RTN1: variants seen among roughly 807,000 people sequenced by gnomAD.
RTN1 encodes reticulon-1.
A neutral mutation model predicts 65.5 loss-of-function variants in RTN1; 25 were observed. That is an observed-to-expected ratio of 0.38 (90% confidence interval 0.28 to 0.53). The LOEUF is 0.53. RTN1 is among the 20% of genes least tolerant of loss of function. RTN1 has a pLI of 0.79. For synonymous variants in RTN1, 471 were observed against 447.6 expected, an observed-to-expected ratio of 1.05 and a Z score of -0.66; for missense variants, 983 against 1,025.4, an observed-to-expected ratio of 0.96 and a Z score of 0.57.
At chr14:59,850,701 G>A (rs1334565291) in intron 1 of RTN1, among the ~76,000 whole-genome samples, 1 of 152,126 alleles carries the variant, frequency 6.6e-6, no homozygotes. Flanking sequence ...GAGGTTAGTG[G>A]TTATTATGCA....
intron 1 of RTN1, among the ~76,000 whole-genome samples, chr14:59,754,841 G>A (rs1015595321): frequency 2.0e-5 from 3 of 152,066 alleles, no homozygotes; most frequent in Non-Finnish European, 2.9e-5. Flanking sequence ...GCTCTCTGGG[G>A]TCCACCTTAG....
chr14:59,837,322 A>G (rs938599769), intron 1 of RTN1, among the ~76,000 whole-genome samples: 2 of 152,008 alleles, frequency 1.3e-5, no homozygotes, highest in Non-Finnish European at 2.9e-5. Context: ...TGATTAAATG[A>G]TAAAATGTAA....
intron 1 of RTN1, among the ~76,000 whole-genome samples, chr14:59,805,030 T>C (rs1886612153): frequency 2.0e-5 from 3 of 152,166 alleles, no homozygotes; most frequent in Admixed American, 1.3e-4. Context: ...TGGGGTGATA[T>C]TCAAACACAC....
At chr14:59,686,428 A>C (rs1404259392) in intron 3 of RTN1, among the ~76,000 whole-genome samples, 1 of 152,274 alleles carries the variant, frequency 6.6e-6, no homozygotes, top group Non-Finnish European at 1.5e-5. Flanking sequence ...ACCTCTGATA[A>C]GGAGTTACTA....
intron 3 of RTN1, among the ~76,000 whole-genome samples, chr14:59,664,337 G>A (rs1458750845): frequency 1.3e-5 from 2 of 152,128 alleles, no homozygotes; most frequent in African/African-American, 2.4e-5. Context: ...GGAAAGGGAA[G>A]TGATAGCATT....
chr14:59,746,725 A>G (rs931811780), intron 1 of RTN1, among the ~76,000 whole-genome samples: 29 of 152,186 alleles, frequency 1.9e-4, no homozygotes, highest in African/African-American at 6.5e-4. Flanking sequence ...CCAGGACCAG[A>G]TAAGTTGGGG....
chr14:59,649,117 A>G (rs754832510), intron 3 of RTN1, among the ~76,000 whole-genome samples: 1 of 152,216 alleles, frequency 6.6e-6, no homozygotes, highest in Non-Finnish European at 1.5e-5. Flanking sequence ...ATTTACAACC[A>G]TCTGATCTTT....
At chr14:59,688,380 TGGC>T (rs1883891203) in intron 3 of RTN1, among the ~76,000 whole-genome samples, 1 of 152,196 alleles carries the variant, frequency 6.6e-6, no homozygotes, top group African/African-American at 2.4e-5. Flanking sequence ...GGGTACGTGG[TGGC>T]TGCCCACTGG....
intron 3 of RTN1, among the ~76,000 whole-genome samples, chr14:59,692,207 G>C (rs937124535): frequency 2.0e-5 from 3 of 152,106 alleles, no homozygotes; most frequent in Admixed American, 6.6e-5. Context: ...AAAGACTTCT[G>C]GAACTGATAA....
At chr14:59,699,643 C>T (rs1421342184) in intron 3 of RTN1, among the ~76,000 whole-genome samples, 1 of 152,100 alleles carries the variant, frequency 6.6e-6, no homozygotes, top group African/African-American at 2.4e-5. Context: ...AAGTTTGAGG[C>T]CAGTTCTGCC....
chr14:59,596,687 A>G lies in RTN1; in HGVS notation c.*58T>C. On this transcript the variant is annotated 3_prime_UTR_variant, in exon 9 of 9. Coordinates refer to ENST00000267484, the MANE Select transcript of RTN1 (RefSeq NM_021136.3). ...TCAATTTGCAGTAATGAGTAAGAAG[A>G]GAGCTGTTACCACTCCAGACATTCC... 1 of 1,254,682 alleles carries G rather than the reference A, an allele frequency of 8.0e-7. No individual in the cohort carries two copies. The highest frequency in any genetic ancestry group is 1.2e-6 in the Non-Finnish European group (1 of 852,076). 77.7% of individuals were successfully genotyped at this position (1,254,682 alleles called of 1,614,324 possible).
chr14:59,646,192 A>C (rs1882892289), intron 3 of RTN1, among the ~76,000 whole-genome samples: 1 of 152,262 alleles, frequency 6.6e-6, no homozygotes, highest in African/African-American at 2.4e-5. Context: ...AAAATAGACC[A>C]AACTGAGGAA....
At chr14:59,688,504 G>A (rs1883893450) in intron 3 of RTN1, among the ~76,000 whole-genome samples, 1 of 152,162 alleles carries the variant, frequency 6.6e-6, no homozygotes, top group Admixed American at 6.5e-5. Context: ...GCTGAGCAGG[G>A]AGCTCAGACC....
rs1264887327 is a variant in RTN1, at chr14:59,727,775, TCG to T, written c.1016-109_1016-108del. On this transcript the variant is annotated intron_variant, in intron 2 of 8. Transcript: ENST00000267484. This position sits in a 1 kb window ranked among gnomAD's most constrained non-coding sequence, Gnocchi z 4.2. ...AAATTCCATTAGGCGAGATGTTTTG[TCG>T]TTGCTTGAGAAACACATATCTCATT... 7.1e-7 allele frequency: 1 copy of T among 1,413,874 alleles called. No homozygotes were observed. The highest frequency in any genetic ancestry group is 9.3e-7 in the Non-Finnish European group (1 of 1,074,768). 87.6% of individuals were successfully genotyped at this position (1,413,874 alleles called of 1,614,324 possible).
At chr14:59,686,840 G>A (rs1157063313) in intron 3 of RTN1, among the ~76,000 whole-genome samples, 3 of 152,166 alleles carry the variant, frequency 2.0e-5, no homozygotes, top group African/African-American at 4.8e-5. Flanking sequence ...CATTTTCTGA[G>A]GCCTGGAACC....
At chr14:59,765,336 G>A (rs1885829872) in intron 1 of RTN1, among the ~76,000 whole-genome samples, 1 of 152,214 alleles carries the variant, frequency 6.6e-6, no homozygotes, top group Admixed American at 6.5e-5. Flanking sequence ...AAGTTTCTCA[G>A]ACCTGAAGAG....
intron 1 of RTN1, among the ~76,000 whole-genome samples, chr14:59,797,616 A>G (rs751004397): frequency 6.6e-5 from 10 of 152,196 alleles, no homozygotes; most frequent in African/African-American, 1.2e-4. Flanking sequence ...ATACCAAAAC[A>G]TCTGAATGCC....
At chr14:59,602,154 G>A (rs1203309965) in intron 8 of RTN1, among the ~76,000 whole-genome samples, 1 of 152,148 alleles carries the variant, frequency 6.6e-6, no homozygotes, top group Non-Finnish European at 1.5e-5. Flanking sequence ...GAACTTTAAT[G>A]TGATTGGCCT....
chr14:59,834,276 A>C (rs991198974), intron 1 of RTN1, among the ~76,000 whole-genome samples: 3 of 152,230 alleles, frequency 2.0e-5, no homozygotes, highest in African/African-American at 7.2e-5. Context: ...AACACAGGAA[A>C]AAAATCTTTG....
Sources: gnomAD v4.1 joint callset for allele counts (sites outside exome capture counted in the v4.1 genomes callset) on GRCh38, gnomAD v4.1.1 for gene constraint, Gnocchi (gnomAD v3.1) non-coding constraint, MANE v1.5 for transcripts, NCBI Gene and HGNC (gene_info 2026-07-23, HGNC 2026-07-21) for gene names.